PLCB1: variants seen among roughly 807,000 people sequenced by gnomAD.
PLCB1 encodes 1-phosphatidylinositol 4,5-bisphosphate phosphodiesterase beta-1.
Under a neutral mutation model 161.8 loss-of-function variants are expected in PLCB1, and 46 were observed. The ratio of observed to expected loss-of-function variants is 0.28; its 90% CI spans 0.22 to 0.36. The LOEUF (loss-of-function observed/expected upper bound fraction) is 0.36. Among genes scored for constraint, PLCB1 ranks in the 10% least tolerant of loss-of-function variants. The pLI is 1.00. For synonymous variants in PLCB1, 517 were observed against 503.7 expected, an observed-to-expected ratio of 1.03 and a Z score of -0.35; for missense variants, 1,016 against 1,472.5, an observed-to-expected ratio of 0.69 and a Z score of 5.07.
intron 2 of PLCB1, among the ~76,000 whole-genome samples, chr20:8,338,685 A>G (rs1337413113): frequency 6.6e-6 from 1 of 152,244 alleles, no homozygotes; most frequent in Non-Finnish European, 1.5e-5. Flanking sequence ...AATCTCAAAT[A>G]TAACACTCAG....
chr20:8,445,145 G>C (rs1980762114), intron 3 of PLCB1, among the ~76,000 whole-genome samples: 1 of 152,126 alleles, frequency 6.6e-6, no homozygotes, highest in South Asian at 2.1e-4. Flanking sequence ...AAATGGTATT[G>C]CCTAGGTTTT....
chr20:8,837,452 T>C (rs1422148010), intron 31 of PLCB1, among the ~76,000 whole-genome samples: 2 of 152,166 alleles, frequency 1.3e-5, no homozygotes, highest in East Asian at 3.9e-4. Flanking sequence ...TTTATTGATA[T>C]GGATAAAGGA....
chr20:8,801,878 G>A (rs918042864), intron 31 of PLCB1, among the ~76,000 whole-genome samples: 2 of 152,160 alleles, frequency 1.3e-5, no homozygotes, highest in Non-Finnish European at 2.9e-5. Flanking sequence ...ATGTGTGGGA[G>A]GCCAGGTGCC....
intron 31 of PLCB1, among the ~76,000 whole-genome samples, chr20:8,817,971 G>T (rs1253983097): frequency 6.6e-6 from 1 of 152,180 alleles, no homozygotes; most frequent in African/African-American, 2.4e-5. Flanking sequence ...AACAGAAAGA[G>T]AATTAGTAAA....
intron 3 of PLCB1, among the ~76,000 whole-genome samples, chr20:8,460,239 A>G (rs538729240): frequency 3.3e-5 from 5 of 152,284 alleles, no homozygotes; most frequent in Admixed American, 2.6e-4. Context: ...GACATCATCC[A>G]GTATCACTCT....
At chr20:8,260,549 C>T (rs982350811) in intron 2 of PLCB1, among the ~76,000 whole-genome samples, 1 of 152,110 alleles carries the variant, frequency 6.6e-6, no homozygotes, top group African/African-American at 2.4e-5. Context: ...AACAGGACCA[C>T]TTGCAGGATG....
intron 2 of PLCB1, among the ~76,000 whole-genome samples, chr20:8,365,714 T>C (rs1423036389): frequency 1.3e-5 from 2 of 152,220 alleles, no homozygotes; most frequent in Non-Finnish European, 2.9e-5. Context: ...ATTCTACTTT[T>C]GGTAAATCAA....
intron 9 of PLCB1, among the ~76,000 whole-genome samples, chr20:8,681,074 A>ATG (rs1990196923): frequency 5.5e-5 from 4 of 72,638 alleles, no homozygotes; most frequent in Non-Finnish European, 9.9e-5. Flanking sequence ...ATATGTGTGT[A>ATG]TATGTGTGTG....
intron 3 of PLCB1, among the ~76,000 whole-genome samples, chr20:8,530,333 T>C (rs1984755212): frequency 1.3e-5 from 2 of 152,092 alleles, no homozygotes. Flanking sequence ...CTAAAGTAAA[T>C]ATTTAAGACC....
intron 2 of PLCB1, among the ~76,000 whole-genome samples, chr20:8,183,648 A>T (rs2051870590): frequency 6.6e-6 from 1 of 152,240 alleles, no homozygotes; most frequent in South Asian, 2.1e-4. Flanking sequence ...TAAATAAAAT[A>T]AACCCAAACA....
chr20:8,881,589 C>T (rs1987992165), intron 31 of PLCB1, 33 bp from the exon 32 acceptor site: 1 of 1,544,510 alleles, frequency 6.5e-7, no homozygotes, highest in African/African-American at 1.4e-5. Context: ...ACATAAACAA[C>T]TTCAAGTCAT....
chr20:8,216,355 T>C (rs1347805479), intron 2 of PLCB1, among the ~76,000 whole-genome samples: 2 of 152,184 alleles, frequency 1.3e-5, no homozygotes, highest in East Asian at 1.9e-4. Context: ...GATCTCAGAC[T>C]GAGTACAAGG....
chr20:8,577,835 G>A (rs936920270), intron 3 of PLCB1, among the ~76,000 whole-genome samples: 1 of 151,982 alleles, frequency 6.6e-6, no homozygotes, highest in Non-Finnish European at 1.5e-5. Flanking sequence ...AAATGCCAAG[G>A]CACTTATAAT....
chr20:8,814,374 C>T (rs936315836), intron 31 of PLCB1, among the ~76,000 whole-genome samples: 1 of 152,166 alleles, frequency 6.6e-6, no homozygotes, highest in African/African-American at 2.4e-5. Flanking sequence ...GAATTTAACA[C>T]CTAGATTTCC....
At chr20:8,701,810 T>C (rs186531472) in intron 11 of PLCB1, among the ~76,000 whole-genome samples, 68 of 152,298 alleles carry the variant, frequency 4.5e-4, no homozygotes, top group African/African-American at 1.6e-3. Flanking sequence ...CTTTCTTGCC[T>C]CTGCTCATCA....
intron 1 of PLCB1, among the ~76,000 whole-genome samples, chr20:8,149,579 G>T (rs553885233): frequency 6.6e-6 from 1 of 152,236 alleles, no homozygotes; most frequent in South Asian, 2.1e-4. Flanking sequence ...AGGCCTGAGT[G>T]TTTCAGTATA....
intron 27 of PLCB1, among the ~76,000 whole-genome samples, chr20:8,778,469 G>A (rs950444035): frequency 3.3e-5 from 5 of 152,196 alleles, no homozygotes; most frequent in African/African-American, 1.2e-4. Flanking sequence ...AGCTGAGCTT[G>A]TAGGTGGGAA....
At chr20:8,750,455 A>T (rs1359471791) in intron 23 of PLCB1, among the ~76,000 whole-genome samples, 1 of 152,180 alleles carries the variant, frequency 6.6e-6, no homozygotes, top group African/African-American at 2.4e-5. Flanking sequence ...AGGAACACCT[A>T]TATATCAGCC....
At chr20:8,678,060 T>C (rs1486060055) in intron 9 of PLCB1, among the ~76,000 whole-genome samples, 3 of 152,198 alleles carry the variant, frequency 2.0e-5, no homozygotes, top group African/African-American at 7.2e-5. Flanking sequence ...GTTATATTTG[T>C]ACATATTGCA....
Sources: gnomAD v4.1 joint callset for allele counts (sites outside exome capture counted in the v4.1 genomes callset) on GRCh38, gnomAD v4.1.1 for gene constraint, MANE v1.5 for transcripts, NCBI Gene and HGNC (gene_info 2026-07-23, HGNC 2026-07-21) for gene names.